The following TCERG1L variants were observed in gnomAD, a reference collection of about 807,000 sequenced individuals.
The protein encoded by TCERG1L is transcription elongation regulator 1-like protein.
A neutral mutation model predicts 56.3 loss-of-function variants in TCERG1L; 37 were observed. That is an observed-to-expected ratio of 0.66 (90% CI 0.51 to 0.87). TCERG1L has a LOEUF of 0.87. Ranked by LOEUF, TCERG1L falls within the 40% of genes least tolerant of loss-of-function variation. TCERG1L has a pLI of 0.00. For missense variants in TCERG1L, 799 were observed against 774.2 expected (o/e 1.03, Z -0.38); for synonymous variants, 324 against 326.3 (o/e 0.99, Z 0.08).
At chr10:131,137,092 ATT>A (rs1845683805) in intron 7 of TCERG1L, among the ~76,000 whole-genome samples, 1 of 152,004 alleles carries the variant, frequency 6.6e-6, no homozygotes, top group Non-Finnish European at 1.5e-5. Flanking sequence ...GTGAGCCGCG[ATT>A]GTGCCACTGC....
At chr10:131,123,643 G>A (rs143274742) in intron 8 of TCERG1L, among the ~76,000 whole-genome samples, 67 of 152,168 alleles carry the variant, frequency 4.4e-4, no homozygotes, top group African/African-American at 1.4e-3. Context: ...GCAGAGTGAC[G>A]CATCCTGGCC....
At chr10:131,214,107 C>G (rs1424458144) in intron 4 of TCERG1L, among the ~76,000 whole-genome samples, 3 of 152,202 alleles carry the variant, frequency 2.0e-5, no homozygotes, top group Non-Finnish European at 1.5e-5. Flanking sequence ...TATGAATTCA[C>G]AAGCCCTTGA....
chr10:131,306,116 C>T (rs561233208), intron 3 of TCERG1L, among the ~76,000 whole-genome samples: 71 of 152,230 alleles, frequency 4.7e-4, no homozygotes, highest in South Asian at 3.7e-3. Flanking sequence ...GCTTACCCTA[C>T]CTACCACCTT....
chr10:131,190,401 AG>A (rs1190642962), intron 4 of TCERG1L, among the ~76,000 whole-genome samples: 1 of 152,244 alleles, frequency 6.6e-6, no homozygotes, highest in East Asian at 1.9e-4. Context: ...AGAAACAAGG[AG>A]GCCTCCCTAA....
At chr10:131,258,276 C>T (rs1012992755) in intron 4 of TCERG1L, among the ~76,000 whole-genome samples, 2 of 152,254 alleles carry the variant, frequency 1.3e-5, no homozygotes, top group Non-Finnish European at 2.9e-5. Flanking sequence ...GCCCGAATGG[C>T]GCAGATAGGC....
At chr10:131,207,871 G>A (rs959806712) in intron 4 of TCERG1L, among the ~76,000 whole-genome samples, 1 of 152,136 alleles carries the variant, frequency 6.6e-6, no homozygotes, top group Admixed American at 6.5e-5. Flanking sequence ...GAAGAAAGAA[G>A]GTACCAGGCT....
chr10:131,274,624 G>A (rs959870078), intron 3 of TCERG1L, among the ~76,000 whole-genome samples: 1 of 152,142 alleles, frequency 6.6e-6, no homozygotes, highest in Non-Finnish European at 1.5e-5. Flanking sequence ...CCCCCAGCGC[G>A]AGGCATTGCT....
chr10:131,124,295 A>G (rs1299572305), intron 8 of TCERG1L, among the ~76,000 whole-genome samples: 1 of 152,114 alleles, frequency 6.6e-6, no homozygotes, highest in Non-Finnish European at 1.5e-5. Context: ...TCCAGATTCT[A>G]CTTTCCAAAA....
intron 4 of TCERG1L, among the ~76,000 whole-genome samples, chr10:131,198,229 C>G (rs1387799711): frequency 1.3e-5 from 2 of 152,236 alleles, no homozygotes; most frequent in African/African-American, 2.4e-5. Context: ...TACGTGGCAT[C>G]ATCAAGTCTA....
intron 4 of TCERG1L, among the ~76,000 whole-genome samples, chr10:131,253,401 G>A (rs947776368): frequency 3.9e-5 from 6 of 152,218 alleles, no homozygotes; most frequent in Admixed American, 2.6e-4. Context: ...TTTCAGTAAT[G>A]GAATCGGTTG....
intron 6 of TCERG1L, among the ~76,000 whole-genome samples, chr10:131,159,123 G>T (rs1461951530): frequency 6.6e-6 from 1 of 152,246 alleles, no homozygotes; most frequent in African/African-American, 2.4e-5. Context: ...ACGGTTGGGG[G>T]CCTCGGCAGG....
At chr10:131,251,885 G>A (rs574668224) in intron 4 of TCERG1L, among the ~76,000 whole-genome samples, 15 of 152,202 alleles carry the variant, frequency 9.9e-5, no homozygotes, top group African/African-American at 1.9e-4. Context: ...TCCACACTCC[G>A]AACTATTTTA....
In TCERG1L at chr10:131,308,114, T is replaced by C. The variant is rs547992513; in HGVS notation, c.670+97A>G. 9 of 1,198,732 alleles carry C rather than the reference T, an allele frequency of 7.5e-6. No homozygotes were observed. The African/African-American group carries it at 1.4e-4, about 19-fold the overall frequency. 74.3% of individuals were successfully genotyped at this position (1,198,732 alleles called of 1,614,324 possible). A position where few individuals can be genotyped will look rare whatever the true frequency, so the allele number is the denominator to read the frequency against. On this transcript the variant is annotated intron_variant, in intron 3 of 11. Coordinates refer to ENST00000368642, the MANE Select transcript of TCERG1L (RefSeq NM_174937.4). ...GAATTATATTTTACCAAGATAATTGTTTCATTAAAATGATGAGTATGGTTT... is the reference window on the plus strand; with the variant it reads ...GAATTATATTTTACCAAGATAATTGCTTCATTAAAATGATGAGTATGGTTT...
intron 4 of TCERG1L, among the ~76,000 whole-genome samples, chr10:131,245,196 C>T (rs1846017948): frequency 6.6e-6 from 1 of 152,194 alleles, no homozygotes; most frequent in Non-Finnish European, 1.5e-5. Context: ...GAGCAGGGCA[C>T]TGTGACCCCA....
chr10:131,248,768 C>T (rs751396620), intron 4 of TCERG1L, among the ~76,000 whole-genome samples: 4 of 152,208 alleles, frequency 2.6e-5, no homozygotes, highest in Non-Finnish European at 4.4e-5. Flanking sequence ...CCCAAGTCTC[C>T]GGCAGAGCTG....
At chr10:131,114,161 C>T (rs1034920995) in intron 9 of TCERG1L, among the ~76,000 whole-genome samples, 1 of 142,248 alleles carries the variant, frequency 7.0e-6, no homozygotes, top group Non-Finnish European at 1.6e-5. Context: ...CATCACTCCA[C>T]AAGTACATGA....
intron 3 of TCERG1L, among the ~76,000 whole-genome samples, chr10:131,264,147 C>G (rs1366546432): frequency 6.6e-6 from 1 of 151,562 alleles, no homozygotes; most frequent in Non-Finnish European, 1.5e-5. Flanking sequence ...TCCTGCCCAG[C>G]CAGAAGCTTC....
chr10:131,180,639 A>C (rs1234055953), intron 4 of TCERG1L, among the ~76,000 whole-genome samples: 2 of 152,188 alleles, frequency 1.3e-5, no homozygotes, highest in Non-Finnish European at 2.9e-5. Flanking sequence ...TGTTAAAATG[A>C]AGTGTTGGAG....
intron 4 of TCERG1L, among the ~76,000 whole-genome samples, chr10:131,235,367 C>T (rs1020361456): frequency 2.6e-5 from 4 of 152,224 alleles, no homozygotes; most frequent in East Asian, 1.9e-4. Flanking sequence ...AAGGAAAGTC[C>T]GAGCCTTGCT....
Sources: gnomAD v4.1 joint callset for allele counts (sites outside exome capture counted in the v4.1 genomes callset) on GRCh38, gnomAD v4.1.1 for gene constraint, MANE v1.5 for transcripts, NCBI Gene and HGNC (gene_info 2026-07-23, HGNC 2026-07-21) for gene names.